Variants in DOCK7 observed in about 807,000 individuals in gnomAD.
The protein encoded by DOCK7 is dedicator of cytokinesis protein 7.
DOCK7 carries 138 observed loss-of-function variants against 271.0 expected under a neutral mutation model. That is an observed-to-expected ratio of 0.51 (90% CI 0.44 to 0.59). The LOEUF (loss-of-function observed/expected upper bound fraction) is 0.59, where lower values mean the gene tolerates loss of function less well. Ranked by LOEUF, DOCK7 falls within the 20% of genes least tolerant of loss-of-function variation. DOCK7 has a pLI of 0.00. For synonymous variants in DOCK7, 823 were observed against 876.1 expected (o/e 0.94, Z 1.07); for missense variants, 2,066 against 2,592.4 (o/e 0.80, Z 4.41).
At chr1:62,466,967 AAACAAG>A (rs923617722) in intron 48 of DOCK7, among the ~76,000 whole-genome samples, 2 of 152,078 alleles carry the variant, frequency 1.3e-5, no homozygotes, top group Non-Finnish European at 2.9e-5. Context: ...ACAACACAAA[AAACAAG>A]AACAACAAAA....
chr1:62,576,426 G>A (rs1311870017), intron 18 of DOCK7, among the ~76,000 whole-genome samples: 1 of 152,184 alleles, frequency 6.6e-6, no homozygotes, highest in Non-Finnish European at 1.5e-5. Flanking sequence ...CGTGTGTAAG[G>A]AACAGCAGAG....
At chr1:62,579,884 A>G (rs958390977) in intron 16 of DOCK7, among the ~76,000 whole-genome samples, 2 of 152,104 alleles carry the variant, frequency 1.3e-5, no homozygotes, top group African/African-American at 4.8e-5. Flanking sequence ...TCAGTTTAGA[A>G]GCGCTTCCAG....
chr1:62,586,546 G>C lies in DOCK7; in HGVS notation c.1761C>G (p.Val587=). 1 of 1,612,622 alleles carries C rather than the reference G, an allele frequency of 6.2e-7. No individual in the cohort carries two copies. Among genetic ancestry groups the C allele is most frequent in the Non-Finnish European group, 8.5e-7 (1 of 1,179,094 alleles). The change falls in exon 15 of 50, where the codon GTC becomes GTG. Residue 587 remains valine, a synonymous_variant. Coordinates refer to ENST00000635253, the MANE Select transcript of DOCK7 (RefSeq NM_001367561.1). ...QGSARNITVK[V]QFMYGEDPSN... The stretch of plus-strand genomic sequence containing the variant: ...TTGGATCCTCTCCATACATAAACTG[G>C]ACTTTCACTGTTATATTTCTAGCAG...
chr1:62,599,485 C>T (rs939201294), intron 14 of DOCK7, among the ~76,000 whole-genome samples: 9 of 152,030 alleles, frequency 5.9e-5, no homozygotes, highest in Admixed American at 6.6e-5. Flanking sequence ...ACTTCTACTT[C>T]CTTAGCTACT....
intron 24 of DOCK7, 23 bp from the exon 25 acceptor site, chr1:62,542,726 T>A (rs1194678202): frequency 1.2e-6 from 2 of 1,603,650 alleles, no homozygotes; most frequent in Admixed American, 3.4e-5. Context: ...AAATCCAAAG[T>A]TATTATCAAA....
chr1:62,618,484 T>C (rs1019070864), intron 14 of DOCK7, among the ~76,000 whole-genome samples: 3 of 152,094 alleles, frequency 2.0e-5, no homozygotes, highest in Non-Finnish European at 4.4e-5. Flanking sequence ...ATAATGAGGA[T>C]TAAATAAGAC....
In DOCK7 at chr1:62,513,876, A is replaced by G; in HGVS notation, c.3959T>C (p.Phe1320Ser). 6.2e-7 allele frequency: 1 copy of G among 1,613,948 alleles called. No individual in the cohort carries two copies. The highest frequency in any genetic ancestry group is 8.5e-7 in the Non-Finnish European group (1 of 1,179,924). The change falls in exon 32 of 50, where the codon TTT (phenylalanine) becomes TCT (serine). Residue 1320 changes from phenylalanine (F) to serine (S), a missense_variant. By Grantham distance (155) the Phe-to-Ser change is radical. Coordinates refer to ENST00000635253, the MANE Select transcript of DOCK7 (RefSeq NM_001367561.1). ...AAGGCTTCGACTTGATTCTGCTGAA[A>G]AGGTAGTGTGTTGCCTGCCACTCTG... ...TSTSGRQHTTFSAESSRSLLI... is the reference protein window; with the variant it reads ...TSTSGRQHTTSSAESSRSLLI...
intron 1 of DOCK7, among the ~76,000 whole-genome samples, chr1:62,679,275 G>A (rs961286424): frequency 1.3e-5 from 2 of 151,932 alleles, no homozygotes; most frequent in Non-Finnish European, 2.9e-5. Flanking sequence ...AAAAAAGACT[G>A]GTAAGTTAAA....
At chr1:62,618,593 G>A (rs1341215250) in intron 14 of DOCK7, 113 bp downstream of exon 14, 4 of 900,344 alleles carry the variant, frequency 4.4e-6, no homozygotes, top group Non-Finnish European at 5.1e-6. Flanking sequence ...GTAAGAGATA[G>A]AGTTAAGTAA....
intron 14 of DOCK7, among the ~76,000 whole-genome samples, chr1:62,596,593 G>A (rs1201444216): frequency 6.6e-6 from 1 of 151,900 alleles, no homozygotes; most frequent in African/African-American, 2.4e-5. Flanking sequence ...AGAATTGCTT[G>A]AGCCCAGTAT....
intron 43 of DOCK7, chr1:62,485,183 A>G (rs1214660378): frequency 5.3e-5 from 52 of 985,234 alleles, no homozygotes; most frequent in Non-Finnish European, 5.9e-5. Context: ...ACTTCCTACT[A>G]TTTCGAGGGA....
Position 62,529,443 on chromosome 1 carries a change from C to A in DOCK7, c.3615G>T (p.Leu1205=), listed in dbSNP as rs1360793354. 6.2e-7 allele frequency: 1 copy of A among 1,602,726 alleles called. No homozygotes were observed. Among genetic ancestry groups the A allele is most frequent in the Non-Finnish European group, 8.5e-7 (1 of 1,175,942 alleles). Residue 1205 remains leucine, a synonymous_variant, in exon 30 of 50, where the codon CTG becomes CTT. Transcript: ENST00000635253. ...TGATGACTTTCTTATGCAATCCAAA[C>A]AGTCTATTTAAAAAGAAGAAGACAA... is the stretch of plus-strand genomic sequence containing the variant. ...AVILDPDAEG[L]FGLHKKVINM...
At position 62,559,234 on chromosome 1, in the gene DOCK7, TAAACAAAAGC is replaced by T; in HGVS notation, c.2200-24_2200-15del. ...AAGATAAGGATCCTAAAACAAAGAATAAACAAAAGCACTAAGCACTTATAACTTTATAAAT... is the reference window on the plus strand; with the variant it reads ...AAGATAAGGATCCTAAAACAAAGAATACTAAGCACTTATAACTTTATAAAT... On this transcript the variant is annotated splice_polypyrimidine_tract_variant and intron_variant, in intron 19 of 49. Transcript: ENST00000635253. 6.3e-7 allele frequency: 1 copy of T among 1,599,402 alleles called. No individual in the cohort carries two copies. Among genetic ancestry groups the T allele is most frequent in the Non-Finnish European group, 8.6e-7 (1 of 1,168,800 alleles).
In DOCK7 at chr1:62,517,519, C is replaced by T. The variant is rs549005671; in HGVS notation, c.3937-3621G>A. Among the ~76,000 whole-genome samples the T allele has an allele frequency of 3.3e-5, 5 of 152,150 alleles. No individual in the cohort carries two copies. In the East Asian group the frequency reaches 5.8e-4, roughly 18 times the overall value. Reference sequence around the variant, plus strand: ...TTGAGGCAGGAGAATTGCTTGAACCCGGGAGATGGAGGTTGCAGTGAGCCG... The same window carrying T: ...TTGAGGCAGGAGAATTGCTTGAACCTGGGAGATGGAGGTTGCAGTGAGCCG... On this transcript the variant is annotated intron_variant, in intron 31 of 49. Coordinates refer to ENST00000635253, the MANE Select transcript of DOCK7 (RefSeq NM_001367561.1).
At position 62,455,042 on chromosome 1, in the gene DOCK7, C is replaced by T. The variant is rs971877567; in HGVS notation, c.*372G>A. ...TAAACATTCACATATTTAATAGTAC[C>T]TTTAAAATAAGCATTACTACATTTA... On this transcript the variant is annotated 3_prime_UTR_variant, in exon 50 of 50. Transcript: ENST00000635253. 9.0e-6 allele frequency: 4 copies of T among 443,796 alleles called. No homozygotes were observed. The highest frequency in any genetic ancestry group is 8.2e-5 in the African/African-American group (4 of 48,942). The allele number at this position is 443,796 out of a possible 1,614,324, so 27.5% of individuals were successfully genotyped here.
chr1:62,686,101 T>G (rs975362732), intron 1 of DOCK7, among the ~76,000 whole-genome samples: 4 of 152,034 alleles, frequency 2.6e-5, no homozygotes, highest in Non-Finnish European at 4.4e-5. Context: ...TTTTCAGAGA[T>G]AAACTTCTGG....
intron 43 of DOCK7, among the ~76,000 whole-genome samples, chr1:62,479,960 C>T (rs6587976): frequency 0.38 from 58,395 of 152,026 alleles, 11,972 homozygotes; most frequent in African/African-American, 0.53. Flanking sequence ...GCTGAGATTA[C>T]AGGTGTGACC....
intron 12 of DOCK7, among the ~76,000 whole-genome samples, chr1:62,620,756 C>T (rs901094222): frequency 1.3e-5 from 2 of 151,280 alleles, no homozygotes; most frequent in Admixed American, 6.6e-5. Flanking sequence ...GGATGGCAGG[C>T]GCCTGCAGTC....
intron 14 of DOCK7, among the ~76,000 whole-genome samples, chr1:62,596,078 C>T (rs559484248): frequency 2.6e-5 from 4 of 152,034 alleles, no homozygotes; most frequent in Non-Finnish European, 5.9e-5. Flanking sequence ...TATATATACC[C>T]ACACACATAC....
Sources: gnomAD v4.1 joint callset for allele counts (sites outside exome capture counted in the v4.1 genomes callset) on GRCh38, gnomAD v4.1.1 for gene constraint, MANE v1.5 for transcripts, NCBI Gene and HGNC (gene_info 2026-07-23, HGNC 2026-07-21) for gene names.